Variants in RALGAPB observed in about 807,000 individuals in gnomAD.
The protein encoded by RALGAPB is Ral GTPase activating protein non-catalytic subunit beta.
A neutral mutation model predicts 161.1 loss-of-function variants in RALGAPB; 25 were observed. The observed-to-expected ratio is 0.16, with a 90% CI of 0.11 to 0.22. The LOEUF is 0.22. RALGAPB is among the 10% of genes least tolerant of loss of function. RALGAPB has a pLI of 1.00. For synonymous variants in RALGAPB, 629 were observed against 626.1 expected (o/e 1.00, Z -0.07); for missense variants, 1,391 against 1,815.2 (o/e 0.77, Z 4.25).
chr20:38,553,860 ATT>A lies in RALGAPB; in HGVS notation c.3163-6_3163-5del, dbSNP rs2087480077. ...TTTCAAAAAATGAAATATTTGGTTT[ATT>A]ACAGTTAGAAGAGAGACACGAAAAA... On this transcript the variant is annotated splice_polypyrimidine_tract_variant and splice_region_variant and intron_variant, in intron 21 of 29. Transcript: ENST00000262879. The A allele has an allele frequency of 3.3e-6, 5 of 1,533,380 alleles. No homozygotes were observed. The East Asian group carries it at 1.3e-4, about 39-fold the overall frequency. The allele number at this position is 1,533,380 out of a possible 1,614,324, so 95.0% of individuals were successfully genotyped here.
At chr20:38,558,520 A>G in intron 23 of RALGAPB, 67 bp downstream of exon 23, 3 of 1,322,458 alleles carry the variant, frequency 2.3e-6, no homozygotes, top group Non-Finnish European at 2.0e-6. Context: ...AAAGAAAAAA[A>G]TTGAGGCAAA....
rs761553564 is a variant in RALGAPB, at chr20:38,541,033, G to A, written c.2563-8G>A. 3.2e-5 allele frequency: 51 copies of A among 1,612,556 alleles called. No individual in the cohort carries two copies. The South Asian group carries it at 5.3e-4, about 17-fold the overall frequency. Reference sequence around the variant, plus strand: ...TTCTAAAAATTGATCTGCCTTTCCTGCTTTTAGGACTGCCTTAAGGAAGTA... The same window carrying A: ...TTCTAAAAATTGATCTGCCTTTCCTACTTTTAGGACTGCCTTAAGGAAGTA... On this transcript the variant is annotated splice_region_variant and splice_polypyrimidine_tract_variant and intron_variant, in intron 17 of 29. Coordinates refer to ENST00000262879, the MANE Select transcript of RALGAPB (RefSeq NM_020336.4).
intron 18 of RALGAPB, among the ~76,000 whole-genome samples, chr20:38,541,517 T>C (rs1314496853): frequency 1.3e-5 from 2 of 152,244 alleles, no homozygotes; most frequent in African/African-American, 2.4e-5. Context: ...TGTCTGTCTC[T>C]CTGTGGTTAC....
intron 1 of RALGAPB, among the ~76,000 whole-genome samples, chr20:38,476,584 T>C (rs919987443): frequency 1.3e-5 from 2 of 152,154 alleles, no homozygotes; most frequent in Non-Finnish European, 2.9e-5. Flanking sequence ...GAGAGAGTGA[T>C]CTGCTATGTT....
rs114708856 is a variant in RALGAPB, at chr20:38,573,001, G to C, written c.4143-1149G>C. 6.2e-3 allele frequency among the ~76,000 whole-genome samples: 944 copies of C among 151,750 alleles called. 11 individuals carry two copies. Among genetic ancestry groups the C allele is most frequent in the African/African-American group, 0.021 (885 of 41,378 alleles). On this transcript the variant is annotated intron_variant, in intron 28 of 29. Transcript: ENST00000262879. ...CTAACTTGCTAAAGAAGAGACTATAGAATAGTCATGAGTAGACTTTTCTGG... is the reference window on the plus strand; with the variant it reads ...CTAACTTGCTAAAGAAGAGACTATACAATAGTCATGAGTAGACTTTTCTGG...
chr20:38,509,786 T>C lies in RALGAPB; in HGVS notation c.872+578T>C, dbSNP rs117423725. On this transcript the variant is annotated intron_variant, in intron 6 of 29. Coordinates refer to ENST00000262879, the MANE Select transcript of RALGAPB (RefSeq NM_020336.4). ...GAACATTTATTCTGTTGTAAACTGA[T>C]TCTTAAATTTTTTCCTTGCATATCT... Among the ~76,000 whole-genome samples, 14 of 152,358 alleles carry C rather than the reference T, an allele frequency of 9.2e-5. No individual in the cohort carries two copies. In the East Asian group the frequency reaches 2.5e-3, roughly 27 times the overall value.
At position 38,508,994 on chromosome 20, in the gene RALGAPB, A is replaced by G. The variant is rs373271889; in HGVS notation, c.741-83A>G. 50 of 1,464,554 alleles carry G rather than the reference A, an allele frequency of 3.4e-5. No individual in the cohort carries two copies. In the African/African-American group the frequency reaches 6.0e-4, roughly 18 times the overall value. The allele number at this position is 1,464,554 out of a possible 1,614,324, so 90.7% of individuals were successfully genotyped here. ...TATGTGAGGTACACATGTTTCATCC[A>G]TTTTCTCTGTCTTCTTTCTATGCTT... On this transcript the variant is annotated intron_variant, in intron 5 of 29. Coordinates refer to ENST00000262879, the MANE Select transcript of RALGAPB (RefSeq NM_020336.4).
chr20:38,574,630 A>G (rs1180469947), intron 29 of RALGAPB, 144 bp from the exon 30 acceptor site: 8 of 789,714 alleles, frequency 1.0e-5, no homozygotes, highest in South Asian at 5.3e-5. Flanking sequence ...TCTTAGCACT[A>G]TGTCTATCTC....
chr20:38,574,947 C>G lies in RALGAPB; in HGVS notation c.4465C>G (p.Leu1489Val). Residue 1489 changes from leucine to valine, a missense_variant, in exon 30 of 30, where the codon CTC becomes GTC. This residue lies in a region of RALGAPB where 436 missense variants were observed against 527.0 expected (regional missense o/e 0.83). Transcript: ENST00000262879. ...TACTTCACTTTTCCAGGAGGTTGGACTCAAGAACTGCAGTTCTTAGACCAC... is the reference window on the plus strand; with the variant it reads ...TACTTCACTTTTCCAGGAGGTTGGAGTCAAGAACTGCAGTTCTTAGACCAC... Reference protein sequence around the residue: ...FYTSLFQEVGLKNCSS With the variant: ...FYTSLFQEVGVKNCSS 6.2e-7 allele frequency: 1 copy of G among 1,612,762 alleles called. No individual in the cohort carries two copies. Among genetic ancestry groups the G allele is most frequent in the Non-Finnish European group, 8.5e-7 (1 of 1,178,726 alleles).
At chr20:38,492,262 A>C (rs2085301410) in intron 2 of RALGAPB, among the ~76,000 whole-genome samples, 1 of 152,148 alleles carries the variant, frequency 6.6e-6, no homozygotes, top group African/African-American at 2.4e-5. Context: ...CCGGCAGCCT[A>C]GTGGTTCAGC....
chr20:38,574,576 A>G, intron 29 of RALGAPB, among the ~76,000 whole-genome samples, 198 bp from the exon 30 acceptor site: 1 of 152,150 alleles, frequency 6.6e-6, no homozygotes, highest in East Asian at 1.9e-4. Context: ...ATAGATTTTG[A>G]TTCTCCTTTT....
chr20:38,572,629 A>G lies in RALGAPB; in HGVS notation c.4143-1521A>G, dbSNP rs570437198. 1.1e-4 allele frequency among the ~76,000 whole-genome samples: 16 copies of G among 152,296 alleles called. No individual in the cohort carries two copies. The East Asian group carries it at 2.9e-3, about 28-fold the overall frequency. The stretch of plus-strand genomic sequence containing the variant: ...ATTGTTGTTGAAGTCAGTAAAGATG[A>G]TTTATTTTAGCATTATCATTTTAAA... On this transcript the variant is annotated intron_variant, in intron 28 of 29. Coordinates refer to ENST00000262879, the MANE Select transcript of RALGAPB (RefSeq NM_020336.4).
chr20:38,485,985 T>TC (rs986173582), intron 1 of RALGAPB, among the ~76,000 whole-genome samples: 12 of 149,708 alleles, frequency 8.0e-5, no homozygotes, highest in Non-Finnish European at 1.6e-4. Flanking sequence ...TTTTTTTTTT[T>TC]TGAGATGGAG....
intron 21 of RALGAPB, among the ~76,000 whole-genome samples, chr20:38,551,925 G>T (rs2087389252): frequency 6.6e-6 from 1 of 152,026 alleles, no homozygotes; most frequent in Non-Finnish European, 1.5e-5. Context: ...GGGAGAAGAA[G>T]GAATAGAAAA....
At chr20:38,474,786 T>G (rs115254144) in intron 1 of RALGAPB, among the ~76,000 whole-genome samples, 2,089 of 152,320 alleles carry the variant, frequency 0.014, 42 homozygotes, top group African/African-American at 0.046. Context: ...TATGTTTTCT[T>G]CATCTCTGTA....
Position 38,546,308 on chromosome 20 carries a change from A to G in RALGAPB, c.2780A>G (p.Asn927Ser). ...CCTGCCTCTCCTTGTAGTCTTGTGA[A>G]TGAGACCACTTTGATTAAATACTCC... ...SGPASPCSLV[N>S]ETTLIKYSRL... The change falls in exon 19 of 30, where the codon AAT becomes AGT. Residue 927 changes from asparagine to serine, a missense_variant. Transcript: ENST00000262879. The G allele has an allele frequency of 6.2e-7, 1 of 1,614,130 alleles. No homozygotes were observed. Among genetic ancestry groups the G allele is most frequent in the Non-Finnish European group, 8.5e-7 (1 of 1,179,998 alleles).
Position 38,513,960 on chromosome 20 carries a change from GAAAT to G in RALGAPB, c.873-2227_873-2224del, listed in dbSNP as rs1292772079. Among the ~76,000 whole-genome samples the G allele has an allele frequency of 2.0e-5, 3 of 152,162 alleles. No individual in the cohort carries two copies. The East Asian group carries it at 5.8e-4, about 29-fold the overall frequency. On this transcript the variant is annotated intron_variant, in intron 6 of 29. Transcript: ENST00000262879. Reference sequence around the variant, plus strand: ...AAAGTTTTGTGTTCCTTAAGAGTTTGAAATAAATGAACAGTAAAACTCTAGTCGA... The same window carrying G: ...AAAGTTTTGTGTTCCTTAAGAGTTTGAAATGAACAGTAAAACTCTAGTCGA...
intron 23 of RALGAPB, 74 bp downstream of exon 23, chr20:38,558,527 C>T: frequency 7.8e-7 from 1 of 1,284,470 alleles, no homozygotes. Context: ...AAAATTGAGG[C>T]AAAATTAATA....
At chr20:38,547,427 C>T (rs547593764) in intron 19 of RALGAPB, 131 of 152,314 alleles carry the variant, frequency 8.6e-4, no homozygotes, top group African/African-American at 2.9e-3. Flanking sequence ...GGGTATATGA[C>T]TTGCCCAGGG....
Sources: gnomAD v4.1 joint callset for allele counts (sites outside exome capture counted in the v4.1 genomes callset) on GRCh38, gnomAD v4.1.1 for gene constraint, gnomAD v4.1.1 regional missense constraint, MANE v1.5 for transcripts, NCBI Gene and HGNC (gene_info 2026-07-23, HGNC 2026-07-21) for gene names.